CLEC4A: variants seen among roughly 807,000 people sequenced by gnomAD.
CLEC4A encodes C-type lectin domain family 4 member A.
Under a neutral mutation model 32.7 loss-of-function variants are expected in CLEC4A, and 27 were observed. That is an observed-to-expected ratio of 0.83 (90% CI 0.61 to 1.14). CLEC4A has a LOEUF of 1.14. CLEC4A is among the 50% of genes most tolerant of loss of function. The probability of loss-of-function intolerance (pLI) is 0.00; values close to 1 mark genes in which losing one functional copy is unlikely to be tolerated. For synonymous variants in CLEC4A, 89 were observed against 93.7 expected, an observed-to-expected ratio of 0.95 and a Z score of 0.29; for missense variants, 253 against 274.6, an observed-to-expected ratio of 0.92 and a Z score of 0.55.
intron 3 of CLEC4A, chr12:8,134,586 C>T (rs1948059710): frequency 4.3e-6 from 7 of 1,613,080 alleles, no homozygotes; most frequent in Non-Finnish European, 5.9e-6. Context: ...GGTCTCCAAG[C>T]CGTCTTGGGG....
At chr12:8,128,111 G>A (rs1947932255) in intron 2 of CLEC4A, among the ~76,000 whole-genome samples, 1 of 152,152 alleles carries the variant, frequency 6.6e-6, no homozygotes, top group Non-Finnish European at 1.5e-5. Context: ...ATGGAACTCT[G>A]GGAAATGTTA....
At chr12:8,125,405 A>T (rs1000718823) in intron 1 of CLEC4A, among the ~76,000 whole-genome samples, 156 bp from the exon 2 acceptor site, 9 of 152,168 alleles carry the variant, frequency 5.9e-5, no homozygotes, top group African/African-American at 2.2e-4. Flanking sequence ...AGTGAATATT[A>T]TTATATCCTT....
intron 4 of CLEC4A, among the ~76,000 whole-genome samples, chr12:8,136,503 G>A (rs1268366418): frequency 6.7e-6 from 1 of 149,530 alleles, no homozygotes; most frequent in Non-Finnish European, 1.5e-5. Context: ...AGGCAGAGGT[G>A]CAGTGAGCCA....
At chr12:8,112,112 G>A in the CLEC4A span, among the ~76,000 whole-genome samples, 1 of 152,058 alleles carries the variant, frequency 6.6e-6, no homozygotes, top group Non-Finnish European at 1.5e-5. Context: ...GGGATTACAG[G>A]CATGCACCAC....
the CLEC4A span, among the ~76,000 whole-genome samples, chr12:8,117,446 C>A: frequency 6.6e-6 from 1 of 152,076 alleles, no homozygotes; most frequent in Admixed American, 6.6e-5. Context: ...ACCAAGTTAG[C>A]CATGCTGGTC....
At chr12:8,128,011 G>A (rs1232070288) in intron 2 of CLEC4A, among the ~76,000 whole-genome samples, 3 of 152,162 alleles carry the variant, frequency 2.0e-5, no homozygotes, top group African/African-American at 7.2e-5. Context: ...CTGAGCTTTG[G>A]AAGTCCTTCA....
upstream of CLEC4A, among the ~76,000 whole-genome samples, chr12:8,119,131 A>G (rs1565651445): frequency 1.3e-5 from 2 of 152,382 alleles, no homozygotes; most frequent in East Asian, 1.9e-4. Flanking sequence ...ATGAACCTCA[A>G]AAACACTAAG....
At chr12:8,113,294 A>G in the CLEC4A span, among the ~76,000 whole-genome samples, 3 of 151,726 alleles carry the variant, frequency 2.0e-5, no homozygotes, top group Non-Finnish European at 4.4e-5. Context: ...AAGGACATGA[A>G]CTCATCATTT....
At chr12:8,117,269 C>A in the CLEC4A span, among the ~76,000 whole-genome samples, 251 of 150,246 alleles carry the variant, frequency 1.7e-3, 1 homozygote, top group African/African-American at 5.8e-3. Flanking sequence ...GAAGTGGAAT[C>A]TCTCTGTTGC....
chr12:8,108,004 C>T, the CLEC4A span, among the ~76,000 whole-genome samples: 1 of 152,202 alleles, frequency 6.6e-6, no homozygotes, highest in East Asian at 1.9e-4. Context: ...ATCTTTCTAA[C>T]CTTTTGATGT....
the CLEC4A span, among the ~76,000 whole-genome samples, chr12:8,113,951 G>T: frequency 1.2e-4 from 18 of 152,282 alleles, no homozygotes; most frequent in African/African-American, 4.3e-4. Flanking sequence ...CTCATGGTGT[G>T]TTGGCACCTG....
intron 2 of CLEC4A, 97 bp from the exon 3 acceptor site, chr12:8,129,167 G>A: frequency 4.1e-6 from 3 of 728,506 alleles, no homozygotes; most frequent in Non-Finnish European, 6.8e-6. Flanking sequence ...TAGGGCATTT[G>A]TAAGTTTTAT....
At chr12:8,114,330 T>C in the CLEC4A span, among the ~76,000 whole-genome samples, 31 of 152,196 alleles carry the variant, frequency 2.0e-4, no homozygotes, top group East Asian at 3.9e-4. Context: ...CTGCAAGCTC[T>C]GCCTCCCGGG....
chr12:8,114,491 G>A, the CLEC4A span, among the ~76,000 whole-genome samples: 3 of 152,050 alleles, frequency 2.0e-5, no homozygotes, highest in African/African-American at 7.2e-5. Flanking sequence ...TGATCCACCC[G>A]CCTCAGCCTC....
At chr12:8,111,764 C>T in the CLEC4A span, among the ~76,000 whole-genome samples, 6 of 152,042 alleles carry the variant, frequency 3.9e-5, no homozygotes, top group African/African-American at 1.4e-4. Context: ...CACTGAACAT[C>T]TTTTACATAT....
At chr12:8,111,915 GTGTGTATA>G in the CLEC4A span, among the ~76,000 whole-genome samples, 12 of 122,832 alleles carry the variant, frequency 9.8e-5, no homozygotes, top group East Asian at 1.3e-3. Flanking sequence ...TGTTATGTGA[GTGTGTATA>G]TGTGTGTGTG....
chr12:8,107,963 T>C, the CLEC4A span, among the ~76,000 whole-genome samples: 1 of 152,148 alleles, frequency 6.6e-6, no homozygotes, highest in African/African-American at 2.4e-5. Flanking sequence ...CTCTAGTTCC[T>C]CTAGGAGTGG....
chr12:8,128,676 C>T (rs377694051), intron 2 of CLEC4A, among the ~76,000 whole-genome samples: 5 of 152,198 alleles, frequency 3.3e-5, no homozygotes, highest in African/African-American at 1.2e-4. Flanking sequence ...GGATTACAGG[C>T]GTGAGCCAAT....
At chr12:8,125,364 C>T (rs11043474) in intron 1 of CLEC4A, among the ~76,000 whole-genome samples, 197 bp from the exon 2 acceptor site, 86,350 of 151,880 alleles carry the variant, frequency 0.57, 25,749 homozygotes, top group Non-Finnish European at 0.67. Context: ...TGTAGGAATT[C>T]GTACTTTTAT....
Sources: allele counts gnomAD v4.1 joint callset (sites outside exome capture counted in the v4.1 genomes callset), GRCh38; gene constraint gnomAD v4.1.1; transcripts MANE v1.5; gene names NCBI Gene and HGNC (gene_info 2026-07-23, HGNC 2026-07-21).